The following PCDHA9 variants were observed in gnomAD, a reference collection of about 807,000 sequenced individuals.
PCDHA9 encodes the protein protocadherin alpha 9.
PCDHA9 carries 62 observed loss-of-function variants against 62.0 expected under a neutral mutation model. The observed-to-expected ratio is 1.00, with a 90% confidence interval of 0.81 to 1.23. The LOEUF (loss-of-function observed/expected upper bound fraction) is 1.23. PCDHA9 is among the 50% of genes most tolerant of loss of function. The pLI, the probability that PCDHA9 is intolerant of heterozygous loss-of-function variation, is 0.00. For synonymous variants in PCDHA9, 557 were observed against 567.6 expected (o/e 0.98, Z 0.27); for missense variants, 1,205 against 1,249.8 (o/e 0.96, Z 0.54).
At chr5:140,862,926 G>C in intron 1 of PCDHA9, 1 of 546,060 alleles carries the variant, frequency 1.8e-6, no homozygotes, top group South Asian at 1.4e-5. Context: ...GGGTGGGCTG[G>C]CGGCGCTGTG....
intron 3 of PCDHA9, among the ~76,000 whole-genome samples, chr5:140,991,302 T>C (rs2097443703): frequency 6.6e-6 from 1 of 152,204 alleles, no homozygotes; most frequent in African/African-American, 2.4e-5. Flanking sequence ...ATTACTATTA[T>C]CTTGTCCCGC....
intron 1 of PCDHA9, among the ~76,000 whole-genome samples, chr5:140,914,730 C>T (rs2076816445): frequency 6.6e-6 from 1 of 151,438 alleles, no homozygotes; most frequent in Non-Finnish European, 1.5e-5. Context: ...TTTTGTGTAT[C>T]CATTGTATGT....
chr5:140,913,099 C>T (rs1413383908), intron 1 of PCDHA9, among the ~76,000 whole-genome samples: 4 of 152,132 alleles, frequency 2.6e-5, no homozygotes, highest in Non-Finnish European at 4.4e-5. Context: ...ATACTGGCCT[C>T]ATAGAATCAG....
chr5:140,938,828 G>A (rs570802606), intron 1 of PCDHA9, among the ~76,000 whole-genome samples: 84 of 152,072 alleles, frequency 5.5e-4, no homozygotes, highest in Admixed American at 1.4e-3. Context: ...ATGAGTTTGC[G>A]TTATAACAAA....
intron 1 of PCDHA9, among the ~76,000 whole-genome samples, chr5:140,873,769 T>G (rs1554166882): frequency 6.6e-6 from 1 of 151,412 alleles, no homozygotes; most frequent in Non-Finnish European, 1.5e-5. Flanking sequence ...CAAGCAATTC[T>G]CCTGCCTCAG....
In PCDHA9 at chr5:140,959,634, A is replaced by G. The variant is rs78629455; in HGVS notation, c.2395-19315A>G. ...TGCTTGTGATAGAAAAAAAGAGAGA[A>G]AAAACACAGAAGCAAAATTGAAGAA... On this transcript the variant is annotated intron_variant, in intron 1 of 3. Transcript: ENST00000532602. Among the ~76,000 whole-genome samples, 1,434 of 152,320 alleles carry G rather than the reference A, an allele frequency of 9.4e-3. 14 individuals carry two copies. The highest frequency in any genetic ancestry group is 0.021 in the Admixed American group (316 of 15,292).
Position 140,916,518 on chromosome 5 carries a change from T to A in PCDHA9, c.2395-62431T>A, listed in dbSNP as rs187386381. Among the ~76,000 whole-genome samples the A allele has an allele frequency of 2.6e-5, 4 of 152,306 alleles. No homozygotes were observed. The East Asian group carries it at 7.7e-4, about 29-fold the overall frequency. ...AGCAGGTGATTAATCTTGCCAAGACTGGGTCCTTCCCACCAAGGCAATGGG... is the reference window on the plus strand; with the variant it reads ...AGCAGGTGATTAATCTTGCCAAGACAGGGTCCTTCCCACCAAGGCAATGGG... On this transcript the variant is annotated intron_variant, in intron 1 of 3. Coordinates refer to ENST00000532602, the MANE Select transcript of PCDHA9 (RefSeq NM_031857.2).
intron 1 of PCDHA9, chr5:140,926,320 C>G (rs555057115): frequency 2.5e-3 from 377 of 152,358 alleles, no homozygotes; most frequent in Non-Finnish European, 3.8e-3. Flanking sequence ...AGAGGTGCGC[C>G]GGGGTCAGAG....
intron 1 of PCDHA9, among the ~76,000 whole-genome samples, chr5:140,912,600 T>C (rs2075993093): frequency 6.6e-6 from 1 of 152,156 alleles, no homozygotes; most frequent in African/African-American, 2.4e-5. Context: ...CTTTATTTCT[T>C]CCTCTTGTCT....
At chr5:140,857,330 G>A in intron 1 of PCDHA9, 1 of 1,598,660 alleles carries the variant, frequency 6.3e-7, no homozygotes, top group South Asian at 1.1e-5. Context: ...GACCGCGCGG[G>A]ACGGGGGCTC....
At chr5:140,909,907 A>C (rs1554194005) in intron 1 of PCDHA9, among the ~76,000 whole-genome samples, 1 of 152,168 alleles carries the variant, frequency 6.6e-6, no homozygotes, top group African/African-American at 2.4e-5. Flanking sequence ...CTGAAATGGC[A>C]ATCATTTCCC....
chr5:140,869,837 C>A (rs374182289), intron 1 of PCDHA9: 48 of 1,611,366 alleles, frequency 3.0e-5, no homozygotes, highest in Non-Finnish European at 3.6e-5. Flanking sequence ...TTTGATAAAT[C>A]AGAATATAAG....
At chr5:140,930,084 A>G (rs1350674790) in intron 1 of PCDHA9, 1 of 152,142 alleles carries the variant, frequency 6.6e-6, no homozygotes, top group Non-Finnish European at 1.5e-5. Flanking sequence ...CTCTCATAAC[A>G]TCTATTTATA....
chr5:140,882,972 T>C, intron 1 of PCDHA9: 1 of 1,614,190 alleles, frequency 6.2e-7, no homozygotes, highest in Non-Finnish European at 8.5e-7. Context: ...ATTCTGGACG[T>C]GAATGACAAC....
At position 140,865,331 on chromosome 5, in the gene PCDHA9, TAAAG is replaced by T. The variant is rs2048827631; in HGVS notation, c.2394+14446_2394+14449del. 4 of 152,230 alleles carry T rather than the reference TAAAG, an allele frequency of 2.6e-5. No homozygotes were observed. The South Asian group carries it at 8.3e-4, about 31-fold the overall frequency. The allele number at this position is 152,230 out of a possible 1,614,324, so 9.4% of individuals were successfully genotyped here. On this transcript the variant is annotated intron_variant, in intron 1 of 3. Transcript: ENST00000532602. ...AAATGAGATGGCCTTTAATTCTGTGTAAAGAAATAGTATATTTACATATTGCAGG... is the reference window on the plus strand; with the variant it reads ...AAATGAGATGGCCTTTAATTCTGTGTAAATAGTATATTTACATATTGCAGG...
intron 3 of PCDHA9, among the ~76,000 whole-genome samples, chr5:140,991,204 A>C (rs1416431011): frequency 6.6e-6 from 1 of 152,198 alleles, no homozygotes; most frequent in East Asian, 1.9e-4. Flanking sequence ...ATGCTCAATA[A>C]ATTTTGTTAA....
At chr5:140,970,442 A>G (rs1003756532) in intron 1 of PCDHA9, among the ~76,000 whole-genome samples, 3 of 152,182 alleles carry the variant, frequency 2.0e-5, no homozygotes, top group Non-Finnish European at 4.4e-5. Flanking sequence ...TAGTATATGC[A>G]CTAGTTTTGA....
At position 140,848,512 on chromosome 5, in the gene PCDHA9, G is replaced by A. The variant is rs1781566761; in HGVS notation, c.17G>A (p.Arg6Gln). 1 of 1,590,350 alleles carries A rather than the reference G, an allele frequency of 6.3e-7. No individual in the cohort carries two copies. The highest frequency in any genetic ancestry group is 1.1e-5 in the South Asian group (1 of 90,074). The change falls in exon 1 of 4, where the codon CGA becomes CAA. Residue 6 changes from arginine (R) to glutamine (Q), a missense_variant. By Grantham distance (43) the Arg-to-Gln change is conservative. Transcript: ENST00000532602. Reference protein sequence around the residue: MLYSSRGDPEGQPLLL... With the variant: MLYSSQGDPEGQPLLL... ...GTATTTGAAATGTTATACTCAAGTC[G>A]AGGAGATCCAGAGGGTCAGCCTCTA...
intron 1 of PCDHA9, chr5:140,883,326 C>T (rs374138267): frequency 3.1e-6 from 5 of 1,614,044 alleles, no homozygotes; most frequent in Admixed American, 1.7e-5. Flanking sequence ...GTTACCATCA[C>T]TTCTTTGTCA....
Sources: gnomAD v4.1 joint callset for allele counts (sites outside exome capture counted in the v4.1 genomes callset) on GRCh38, gnomAD v4.1.1 for gene constraint, MANE v1.5 for transcripts, NCBI Gene and HGNC (gene_info 2026-07-23, HGNC 2026-07-21) for gene names.